The following ANAPC5 variants were observed in gnomAD, a reference collection of about 807,000 sequenced individuals.
ANAPC5 encodes anaphase promoting complex subunit 5.
Under a neutral mutation model 91.3 loss-of-function variants are expected in ANAPC5, and 60 were observed. The ratio of observed to expected loss-of-function variants is 0.66; its 90% CI spans 0.53 to 0.81. ANAPC5 has a LOEUF of 0.81. Among genes scored for constraint, ANAPC5 ranks in the 40% least tolerant of loss-of-function variants. The probability of loss-of-function intolerance (pLI) is 0.00; values close to 1 mark genes in which losing one functional copy is unlikely to be tolerated. For missense variants in ANAPC5, 690 were observed against 931.5 expected (o/e 0.74, Z 3.37); for synonymous variants, 340 against 364.1 (o/e 0.93, Z 0.75).
intron 9 of ANAPC5, 28 bp downstream of exon 9, chr12:121,330,555 A>T: frequency 6.3e-7 from 1 of 1,596,770 alleles, no homozygotes; most frequent in South Asian, 1.1e-5. Context: ...CATTTATGGA[A>T]ACAATCTCAC....
intron 11 of ANAPC5, among the ~76,000 whole-genome samples, chr12:121,322,178 A>G (rs1902643877): frequency 8.0e-6 from 1 of 125,178 alleles, no homozygotes; most frequent in African/African-American, 3.1e-5. Context: ...TTTTTTTTTG[A>G]GAGGGAGTCT....
intron 7 of ANAPC5, chr12:121,333,314 ATC>A (rs1238907356): frequency 8.3e-4 from 127 of 152,274 alleles, no homozygotes; most frequent in African/African-American, 3.0e-3. Flanking sequence ...GCAAGACTCC[ATC>A]TCAAAAAACA....
At chr12:121,319,641 A>ACAAAAC in intron 13 of ANAPC5, 56 bp downstream of exon 13, 2 of 1,543,188 alleles carry the variant, frequency 1.3e-6, no homozygotes, top group Non-Finnish European at 1.7e-6. Context: ...TAAAACAAAA[A>ACAAAAC]CAAAACCATT....
intron 7 of ANAPC5, chr12:121,333,566 T>TG (rs1276161632): frequency 6.6e-6 from 1 of 152,202 alleles, no homozygotes; most frequent in African/African-American, 2.4e-5. Flanking sequence ...GCAAAAATCA[T>TG]GGAGTTTTGA....
chr12:121,338,682 A>C (rs1555273756), intron 5 of ANAPC5, among the ~76,000 whole-genome samples: 1 of 152,220 alleles, frequency 6.6e-6, no homozygotes, highest in Non-Finnish European at 1.5e-5. Context: ...CCTACAGAAG[A>C]AAACAAAAAT....
rs552359375 is a variant in ANAPC5, at chr12:121,309,996, A to G, written c.1894-133T>C. ...TTTTACCTGACATGTACTACGTTAA[A>G]ACAGGAACCACATTCCTAGAAAACA... On this transcript the variant is annotated intron_variant, in intron 15 of 16. Transcript: ENST00000261819. 2.1e-4 allele frequency: 159 copies of G among 747,788 alleles called. No homozygotes were observed. In the African/African-American group the frequency reaches 2.4e-3, roughly 12 times the overall value. 46.3% of individuals were successfully genotyped at this position (747,788 alleles called of 1,614,324 possible).
At chr12:121,328,272 T>C in intron 10 of ANAPC5, 44 bp downstream of exon 10, 1 of 1,594,226 alleles carries the variant, frequency 6.3e-7, no homozygotes, top group East Asian at 2.2e-5. Flanking sequence ...TAGCTCCTGC[T>C]TCTCTCTAAA....
intron 5 of ANAPC5, among the ~76,000 whole-genome samples, chr12:121,339,484 T>C (rs1394030630): frequency 2.0e-5 from 3 of 152,022 alleles, no homozygotes; most frequent in African/African-American, 7.3e-5. Flanking sequence ...ATTTTATTTC[T>C]TTTTGAGAAG....
At position 121,319,745 on chromosome 12, in the gene ANAPC5, G is replaced by A. The variant is rs1016259091; in HGVS notation, c.1589C>T (p.Ser530Leu). The A allele has an allele frequency of 1.8e-5, 29 of 1,612,382 alleles. No individual in the cohort carries two copies. The highest frequency in any genetic ancestry group is 2.5e-5 in the Non-Finnish European group (29 of 1,179,522). ...GAGAGCTGTGATTCCTGTAACAAGT[G>A]AATCAGCCAAATGATATTTGCCATC... is the stretch of plus-strand genomic sequence containing the variant. ...MNDGKYHLAD[S>L]LVTGITALNS... The change falls in exon 13 of 17, where the codon TCA (serine) becomes TTA (leucine). Residue 530 changes from serine to leucine, a missense_variant. Ser to Leu is a moderately radical substitution (Grantham distance 145, BLOSUM62 -2). Transcript: ENST00000261819.
Position 121,318,620 on chromosome 12 carries a change from T to G in ANAPC5, c.1638-12A>C. On this transcript the variant is annotated splice_polypyrimidine_tract_variant and intron_variant, in intron 13 of 16. Transcript: ENST00000261819. ...ATACAACCGCTTTCCTGAAACAGAA[T>G]CAAAATGAACACAAGTGTTTTAACT... 2 of 1,606,522 alleles carry G rather than the reference T, an allele frequency of 1.2e-6. No homozygotes were observed. Among genetic ancestry groups the G allele is most frequent in the Non-Finnish European group, 1.7e-6 (2 of 1,173,336 alleles).
At chr12:121,346,387 C>A in intron 3 of ANAPC5, 1 of 194,792 alleles carries the variant, frequency 5.1e-6, no homozygotes, top group Non-Finnish European at 1.0e-5. Context: ...CTATCTTACA[C>A]GTCCAGAGCC....
chr12:121,336,866 G>A (rs543074330), intron 6 of ANAPC5, among the ~76,000 whole-genome samples: 69 of 152,266 alleles, frequency 4.5e-4, no homozygotes, highest in African/African-American at 1.5e-3. Flanking sequence ...CCAAGAACAC[G>A]ATTTCCTTCA....
chr12:121,338,636 T>C (rs781905187), intron 5 of ANAPC5, among the ~76,000 whole-genome samples: 3 of 151,998 alleles, frequency 2.0e-5, no homozygotes, highest in Non-Finnish European at 4.4e-5. Context: ...TATGTAGGTG[T>C]AGTATGGGGA....
In ANAPC5 at chr12:121,318,615, C is replaced by G; in HGVS notation, c.1638-7G>C. ...TTGTAATACAACCGCTTTCCTGAAA[C>G]AGAATCAAAATGAACACAAGTGTTT... On this transcript the variant is annotated splice_region_variant and splice_polypyrimidine_tract_variant and intron_variant, in intron 13 of 16. Coordinates refer to ENST00000261819, the MANE Select transcript of ANAPC5 (RefSeq NM_016237.5). 6.2e-7 allele frequency: 1 copy of G among 1,610,266 alleles called. No individual in the cohort carries two copies. The highest frequency in any genetic ancestry group is 8.5e-7 in the Non-Finnish European group (1 of 1,176,740).
intron 13 of ANAPC5, among the ~76,000 whole-genome samples, chr12:121,319,132 C>T (rs1902498857): frequency 6.6e-6 from 1 of 152,150 alleles, no homozygotes; most frequent in African/African-American, 2.4e-5. Context: ...CACACACACA[C>T]ACACACACAC....
chr12:121,345,604 C>T (rs1593605556), intron 4 of ANAPC5, among the ~76,000 whole-genome samples: 1 of 152,116 alleles, frequency 6.6e-6, no homozygotes, highest in African/African-American at 2.4e-5. Flanking sequence ...AATGAATCCA[C>T]ACTCCACGTC....
chr12:121,348,424 G>T (rs868921394), intron 1 of ANAPC5, among the ~76,000 whole-genome samples: 24 of 152,162 alleles, frequency 1.6e-4, no homozygotes, highest in African/African-American at 5.8e-4. Flanking sequence ...CAACATTTTG[G>T]GAGGCCAAGG....
At chr12:121,329,485 T>C (rs1902950940) in intron 9 of ANAPC5, among the ~76,000 whole-genome samples, 1 of 151,962 alleles carries the variant, frequency 6.6e-6, no homozygotes, top group Admixed American at 6.6e-5. Flanking sequence ...TTACTACCTG[T>C]AATTACTTTC....
At chr12:121,312,380 A>G (rs2136753911) in intron 15 of ANAPC5, among the ~76,000 whole-genome samples, 1 of 152,100 alleles carries the variant, frequency 6.6e-6, no homozygotes, top group Non-Finnish European at 1.5e-5. Flanking sequence ...CCTGGCCAAC[A>G]TGATGAAACC....
Sources: gnomAD v4.1 joint callset for allele counts (sites outside exome capture counted in the v4.1 genomes callset) on GRCh38, gnomAD v4.1.1 for gene constraint, MANE v1.5 for transcripts, NCBI Gene and HGNC (gene_info 2026-07-23, HGNC 2026-07-21) for gene names.